The following TSHZ2 variants were observed in gnomAD, a reference collection of about 807,000 sequenced individuals.
TSHZ2 encodes teashirt zinc finger homeobox 2.
Under a neutral mutation model 74.4 loss-of-function variants are expected in TSHZ2, and 21 were observed. The observed-to-expected ratio is 0.28, with a 90% CI of 0.20 to 0.41. TSHZ2 has a LOEUF of 0.41. Among genes scored for constraint, TSHZ2 ranks in the 10% least tolerant of loss-of-function variants. The probability of loss-of-function intolerance (pLI) is 1.00; values close to 1 mark genes in which losing one functional copy is unlikely to be tolerated. For synonymous variants in TSHZ2, 540 were observed against 515.3 expected, an observed-to-expected ratio of 1.05 and a Z score of -0.65; for missense variants, 1,244 against 1,293.5, an observed-to-expected ratio of 0.96 and a Z score of 0.59.
At chr20:53,145,699 G>A (rs1352745386) in intron 1 of TSHZ2, among the ~76,000 whole-genome samples, 4 of 152,158 alleles carry the variant, frequency 2.6e-5, no homozygotes, top group African/African-American at 9.7e-5. Flanking sequence ...GCTTCTAGGG[G>A]CATTATTCTC....
rs1986491128 is a variant in TSHZ2, at chr20:53,493,127, T to C, written c.*5992T>C. The C allele has an allele frequency of 6.6e-6, 1 of 152,240 alleles. No individual in the cohort carries two copies. 9.4% of individuals were successfully genotyped at this position (152,240 alleles called of 1,614,324 possible). On this transcript the variant is annotated 3_prime_UTR_variant, in exon 3 of 3. Transcript: ENST00000371497. ...TGTACATATTTGTATATACTAACTA[T>C]ATCGCCATGTATGAACACAGATTTT...
intron 1 of TSHZ2, among the ~76,000 whole-genome samples, chr20:53,036,124 C>A (rs1983808973): frequency 6.6e-6 from 1 of 152,120 alleles, no homozygotes; most frequent in Admixed American, 6.5e-5. Flanking sequence ...CTATTGTGTG[C>A]AGAGCAACAA....
chr20:53,358,396 A>G lies in TSHZ2; in HGVS notation c.*8+101825A>G, dbSNP rs960675996. On this transcript the variant is annotated intron_variant, in intron 2 of 2. Transcript: ENST00000371497. ...CATTCTGTCACCCAGGCTGGAGTGC[A>G]GTGGCAGGATCTCGACTCACGGCAA... 1.6e-4 allele frequency among the ~76,000 whole-genome samples: 20 copies of G among 125,454 alleles called. No homozygotes were observed. In the Admixed American group the frequency reaches 1.9e-3, roughly 12 times the overall value. 82.3% of individuals were successfully genotyped at this position (125,454 alleles called of 152,430 possible). A position where few individuals can be genotyped will look rare whatever the true frequency, so the allele number is the denominator to read the frequency against.
chr20:53,226,797 C>A (rs913647960), intron 1 of TSHZ2, among the ~76,000 whole-genome samples: 1 of 152,112 alleles, frequency 6.6e-6, no homozygotes, highest in East Asian at 1.9e-4. Context: ...CCATTCCTAC[C>A]TCATCCAGTT....
chr20:52,985,034 C>T (rs1225244685), intron 1 of TSHZ2, among the ~76,000 whole-genome samples: 1 of 152,224 alleles, frequency 6.6e-6, no homozygotes, highest in Non-Finnish European at 1.5e-5. Flanking sequence ...GTGTTGGGAG[C>T]TGCCTACATT....
chr20:53,095,911 G>A (rs1324859134), intron 1 of TSHZ2, among the ~76,000 whole-genome samples: 1 of 152,128 alleles, frequency 6.6e-6, no homozygotes, highest in Admixed American at 6.5e-5. Context: ...TACTAAAGGG[G>A]GAAAGAGCCA....
chr20:53,438,036 G>A (rs962276874), intron 2 of TSHZ2, among the ~76,000 whole-genome samples: 3 of 151,698 alleles, frequency 2.0e-5, no homozygotes, highest in Non-Finnish European at 2.9e-5. Flanking sequence ...TTATAGCAAC[G>A]CAAAACAGAC....
chr20:53,190,091 AT>A (rs1227413642), intron 1 of TSHZ2, among the ~76,000 whole-genome samples: 1 of 18,716 alleles, frequency 5.3e-5, no homozygotes, highest in Admixed American at 5.1e-4. Context: ...TCTCAAATAT[AT>A]ATATATATAT....
intron 1 of TSHZ2, among the ~76,000 whole-genome samples, chr20:53,109,285 A>G (rs1986464359): frequency 6.6e-6 from 1 of 152,330 alleles, no homozygotes; most frequent in East Asian, 1.9e-4. Flanking sequence ...GGAAGTGCTC[A>G]TCTACTCTCA....
At chr20:53,337,092 G>T (rs1224870986) in intron 2 of TSHZ2, among the ~76,000 whole-genome samples, 1 of 152,200 alleles carries the variant, frequency 6.6e-6, no homozygotes, top group Non-Finnish European at 1.5e-5. Context: ...GCTGACACCT[G>T]CAGGGCTGGC....
chr20:53,356,689 A>G (rs1214697181), intron 2 of TSHZ2, among the ~76,000 whole-genome samples: 1 of 152,180 alleles, frequency 6.6e-6, no homozygotes. Context: ...ATTTTGGGAC[A>G]GAACTCTCAA....
At chr20:53,392,773 C>T in intron 2 of TSHZ2, among the ~76,000 whole-genome samples, 1 of 152,058 alleles carries the variant, frequency 6.6e-6, no homozygotes, top group South Asian at 2.1e-4. Context: ...AATTGTGTGT[C>T]TTGGGTTTTG....
intron 2 of TSHZ2, among the ~76,000 whole-genome samples, chr20:53,435,927 T>C (rs1984039612): frequency 6.6e-6 from 1 of 152,216 alleles, no homozygotes. Context: ...AGTTTCCTCG[T>C]GTCTAAGATG....
At chr20:53,190,066 C>A (rs1272175359) in intron 1 of TSHZ2, among the ~76,000 whole-genome samples, 2 of 108,416 alleles carry the variant, frequency 1.8e-5, no homozygotes, top group African/African-American at 3.5e-5. Flanking sequence ...GCCTGGGTGA[C>A]CAAACAAGAC....
chr20:53,444,634 C>T (rs1421020197), intron 2 of TSHZ2, among the ~76,000 whole-genome samples: 2 of 152,208 alleles, frequency 1.3e-5, no homozygotes, highest in Non-Finnish European at 2.9e-5. Flanking sequence ...CTGAAAGCCT[C>T]CTCAACTGTG....
intron 1 of TSHZ2, among the ~76,000 whole-genome samples, chr20:53,127,807 C>T (rs559162542): frequency 9.2e-5 from 14 of 152,276 alleles, no homozygotes; most frequent in Non-Finnish European, 1.3e-4. Flanking sequence ...AGATGACTTG[C>T]TCACGGTCAG....
In TSHZ2 at chr20:53,139,371, C is replaced by T. The variant is rs991163994; in HGVS notation, c.41-114128C>T. 3.3e-5 allele frequency among the ~76,000 whole-genome samples: 5 copies of T among 152,328 alleles called. No individual in the cohort carries two copies. In the East Asian group the frequency reaches 5.8e-4, roughly 18 times the overall value. On this transcript the variant is annotated intron_variant, in intron 1 of 2. Transcript: ENST00000371497. ...AATTTATGTGGCCACCAGACTATCT[C>T]GATTTTTCCTTGAAGAAAGAGACTG...
At position 53,053,608 on chromosome 20, in the gene TSHZ2, G is replaced by A. The variant is rs150669858; in HGVS notation, c.40+80275G>A. ...ATATATATATATATATATTTTTCTC[G>A]ATATCTAATGGAAGAGACTTGTGCT... is the stretch of plus-strand genomic sequence containing the variant. On this transcript the variant is annotated intron_variant, in intron 1 of 2. Coordinates refer to ENST00000371497, the MANE Select transcript of TSHZ2 (RefSeq NM_173485.6). Among the ~76,000 whole-genome samples, 151 of 151,058 alleles carry A rather than the reference G, an allele frequency of 1.0e-3. 1 individual carries two copies. In the East Asian group the frequency reaches 0.025, roughly 25 times the overall value.
intron 1 of TSHZ2, among the ~76,000 whole-genome samples, chr20:53,159,030 A>G (rs1226608541): frequency 1.3e-5 from 2 of 152,268 alleles, no homozygotes; most frequent in African/African-American, 4.8e-5. Flanking sequence ...GAAAGTAAAC[A>G]TGAAAACAAA....
Sources: allele counts gnomAD v4.1 joint callset (sites outside exome capture counted in the v4.1 genomes callset), GRCh38; gene constraint gnomAD v4.1.1; transcripts MANE v1.5; gene names NCBI Gene and HGNC (gene_info 2026-07-23, HGNC 2026-07-21).